ARID1B: variants seen among roughly 807,000 people sequenced by gnomAD.
ARID1B encodes the protein AT-rich interaction domain 1B.
Under a neutral mutation model 212.3 loss-of-function variants are expected in ARID1B, and 30 were observed. The ratio of observed to expected loss-of-function variants is 0.14; its 90% CI spans 0.11 to 0.19. The LOEUF is 0.19. Ranked by LOEUF, ARID1B falls within the 10% of genes least tolerant of loss-of-function variation. The pLI is 1.00. For synonymous variants in ARID1B, 1,402 were observed against 1,301.7 expected (o/e 1.08, Z -1.66); for missense variants, 2,891 against 3,204.0 (o/e 0.90, Z 2.36).
chr6:157,168,387 G>C (rs1476029258), intron 9 of ARID1B: 1 of 152,156 alleles, frequency 6.6e-6, no homozygotes, highest in Non-Finnish European at 1.5e-5. Flanking sequence ...CAGTTTGGTG[G>C]ATGTTTTACA....
intron 9 of ARID1B, among the ~76,000 whole-genome samples, chr6:157,170,405 C>T (rs534821183): frequency 1.6e-4 from 25 of 152,230 alleles, no homozygotes; most frequent in Non-Finnish European, 2.9e-4. Flanking sequence ...AGCCTCATTG[C>T]GAGGGGCTGG....
chr6:157,179,469 CAT>C (rs1160953082), intron 11 of ARID1B, among the ~76,000 whole-genome samples: 4 of 151,948 alleles, frequency 2.6e-5, no homozygotes, highest in East Asian at 3.8e-4. Flanking sequence ...GGTTTATAGA[CAT>C]ATATATATTC....
At chr6:157,178,759 A>G (rs992475739) in intron 11 of ARID1B, among the ~76,000 whole-genome samples, 1 of 152,216 alleles carries the variant, frequency 6.6e-6, no homozygotes, top group Non-Finnish European at 1.5e-5. Flanking sequence ...AAGTTAATAT[A>G]TAGTCAAACT....
intron 4 of ARID1B, among the ~76,000 whole-genome samples, chr6:157,055,293 C>T (rs1782880161): frequency 6.6e-6 from 1 of 152,126 alleles, no homozygotes; most frequent in South Asian, 2.1e-4. Context: ...ATTAGTTTAC[C>T]CATCTTATTT....
At chr6:156,828,322 A>T (rs897408411) in intron 1 of ARID1B, among the ~76,000 whole-genome samples, 1 of 152,072 alleles carries the variant, frequency 6.6e-6, no homozygotes, top group Non-Finnish European at 1.5e-5. Context: ...GAAAGTCCCC[A>T]TGTACTTACC....
At chr6:156,996,889 G>A (rs1232175878) in intron 4 of ARID1B, among the ~76,000 whole-genome samples, 4 of 152,128 alleles carry the variant, frequency 2.6e-5, no homozygotes, top group African/African-American at 4.8e-5. Flanking sequence ...GTTCATGTTA[G>A]TAGATAGCCA....
At chr6:157,060,630 CTTTTTTTTTTT>C (rs56870548) in intron 4 of ARID1B, among the ~76,000 whole-genome samples, 3 of 72,044 alleles carry the variant, frequency 4.2e-5, no homozygotes, top group African/African-American at 6.3e-5. Flanking sequence ...AAAATCTGAA[CTTTTTTTTTTT>C]TTTTTTTTTT....
At chr6:156,856,626 A>G in intron 2 of ARID1B, among the ~76,000 whole-genome samples, 1 of 151,690 alleles carries the variant, frequency 6.6e-6, no homozygotes, top group East Asian at 1.9e-4. Context: ...GTGTCTGTAT[A>G]TGGCAGAGCC....
intron 6 of ARID1B, among the ~76,000 whole-genome samples, chr6:157,121,822 G>C (rs1207407678): frequency 6.6e-6 from 1 of 152,084 alleles, no homozygotes; most frequent in Admixed American, 6.5e-5. Flanking sequence ...AGTAAAGACA[G>C]TGTTTCACCA....
At chr6:157,151,346 C>G (rs534328036) in intron 8 of ARID1B, 2 of 152,332 alleles carry the variant, frequency 1.3e-5, no homozygotes, top group East Asian at 3.9e-4. Flanking sequence ...ACAAGAGACT[C>G]ACTGCAGTTG....
intron 2 of ARID1B, among the ~76,000 whole-genome samples, chr6:156,856,677 C>CTA (rs1267054518): frequency 4.3e-5 from 3 of 69,590 alleles, no homozygotes; most frequent in African/African-American, 1.7e-4. Context: ...CATATCCTCT[C>CTA]TCTCTCTCTC....
chr6:157,181,786 G>A (rs1004217073), intron 12 of ARID1B, among the ~76,000 whole-genome samples: 2 of 152,172 alleles, frequency 1.3e-5, no homozygotes, highest in Non-Finnish European at 2.9e-5. Flanking sequence ...TCATACCCCA[G>A]GCACCGGCTT....
intron 2 of ARID1B, among the ~76,000 whole-genome samples, chr6:156,889,005 T>C (rs1302521087): frequency 6.6e-6 from 1 of 152,138 alleles, no homozygotes; most frequent in Non-Finnish European, 1.5e-5. Context: ...TGTTAAAAAT[T>C]TTTTCCTGTT....
chr6:157,040,149 A>G (rs912773853), intron 4 of ARID1B, among the ~76,000 whole-genome samples: 1 of 152,180 alleles, frequency 6.6e-6, no homozygotes. Context: ...CATGTTGGCC[A>G]GGATGGTCTC....
chr6:157,190,265 GCCGTT>G lies in ARID1B; in HGVS notation c.4231+58_4231+62del. On this transcript the variant is annotated intron_variant, in intron 15 of 19. Transcript: ENST00000636930. This position sits in a 1 kb window ranked among gnomAD's most constrained non-coding sequence, Gnocchi z 4.6. Reference sequence around the variant, plus strand: ...TGGACCAGTGGGCATTCTACTCTCTGCCGTTCCACAACAGTTCACCTTTCACTCAG... The same window carrying G: ...TGGACCAGTGGGCATTCTACTCTCTGCCACAACAGTTCACCTTTCACTCAG... The G allele has an allele frequency of 6.5e-7, 1 of 1,544,846 alleles. No individual in the cohort carries two copies. Among genetic ancestry groups the G allele is most frequent in the Non-Finnish European group, 8.7e-7 (1 of 1,150,634 alleles).
At chr6:157,109,790 C>T (rs1382600661) in intron 5 of ARID1B, among the ~76,000 whole-genome samples, 1 of 152,072 alleles carries the variant, frequency 6.6e-6, no homozygotes, top group African/African-American at 2.4e-5. Flanking sequence ...TGAAGGAATA[C>T]AGATAAGATT....
chr6:156,965,920 T>C (rs1447934822), intron 4 of ARID1B, among the ~76,000 whole-genome samples: 1 of 152,254 alleles, frequency 6.6e-6, no homozygotes, highest in Admixed American at 6.5e-5. Context: ...TATACTTGTT[T>C]TAATTACTAA....
chr6:156,982,143 G>A (rs1052893103), intron 4 of ARID1B, among the ~76,000 whole-genome samples: 2 of 152,022 alleles, frequency 1.3e-5, no homozygotes, highest in African/African-American at 2.4e-5. Flanking sequence ...ATGTGAATGG[G>A]AGGTAAATTT....
At chr6:156,785,195 A>G (rs1001553153) in intron 1 of ARID1B, among the ~76,000 whole-genome samples, 1 of 152,206 alleles carries the variant, frequency 6.6e-6, no homozygotes, top group Non-Finnish European at 1.5e-5. Flanking sequence ...CTTGGATGAG[A>G]TTTATTACCA....
Sources: gnomAD v4.1 joint callset for allele counts (sites outside exome capture counted in the v4.1 genomes callset) on GRCh38, gnomAD v4.1.1 for gene constraint, Gnocchi (gnomAD v3.1) non-coding constraint, MANE v1.5 for transcripts, NCBI Gene and HGNC (gene_info 2026-07-23, HGNC 2026-07-21) for gene names.